Variants in SETDB1 observed in about 807,000 individuals in gnomAD.
SETDB1 encodes SET domain bifurcated histone lysine methyltransferase 1.
In SETDB1, 31 loss-of-function variants were observed where a neutral mutation model predicts 137.4. That is an observed-to-expected ratio of 0.23 (90% confidence interval 0.17 to 0.30). SETDB1 has a LOEUF of 0.30. SETDB1 is among the 10% of genes least tolerant of loss of function. The probability of loss-of-function intolerance (pLI) is 1.00; values close to 1 mark genes in which losing one functional copy is unlikely to be tolerated. For missense variants in SETDB1, 1,113 were observed against 1,631.5 expected (o/e 0.68, Z 5.47); for synonymous variants, 548 against 579.9 (o/e 0.95, Z 0.79).
At chr1:150,931,631 A>G (rs1669752840) in intron 3 of SETDB1, among the ~76,000 whole-genome samples, 1 of 118,852 alleles carries the variant, frequency 8.4e-6, no homozygotes, top group African/African-American at 3.2e-5. Context: ...TTAAAAAATA[A>G]AAAATAAAAA....
In SETDB1 at chr1:150,926,537, G is replaced by C. The variant is rs1183951614; in HGVS notation, c.-12+20G>C. On this transcript the variant is annotated intron_variant, in intron 1 of 21. Coordinates refer to ENST00000692827, the MANE Select transcript of SETDB1 (RefSeq NM_001366418.1). ...CGGGAGGTGCGGGGAATACTGTTGA[G>C]TTATTTGGTGACCAAAGGCTTATCT... is the stretch of plus-strand genomic sequence containing the variant. The C allele has an allele frequency of 2.8e-6, 1 of 361,802 alleles. No individual in the cohort carries two copies. The highest frequency in any genetic ancestry group is 5.4e-6 in the Non-Finnish European group (1 of 186,772). 22.4% of individuals were successfully genotyped at this position (361,802 alleles called of 1,614,324 possible).
At chr1:150,928,539 A>G (rs1669613443) in intron 2 of SETDB1, among the ~76,000 whole-genome samples, 1 of 152,068 alleles carries the variant, frequency 6.6e-6, no homozygotes, top group African/African-American at 2.4e-5. Flanking sequence ...GTCTTACGTA[A>G]CTCTGAAGCA....
In SETDB1 at chr1:150,954,120, C is replaced by T. The variant is rs587667766; in HGVS notation, c.2333+2639C>T. Among the ~76,000 whole-genome samples the T allele has an allele frequency of 2.5e-3, 387 of 152,250 alleles. 2 individuals are homozygous for T. The highest frequency in any genetic ancestry group is 4.4e-3 in the Non-Finnish European group (299 of 68,022). Reference sequence around the variant, plus strand: ...CCGTCTGCCTCAGCCTCCCAAAGTGCTGGGATTACAGGCGTGAGCCACCGC... The same window carrying T: ...CCGTCTGCCTCAGCCTCCCAAAGTGTTGGGATTACAGGCGTGAGCCACCGC... On this transcript the variant is annotated intron_variant, in intron 14 of 21. Coordinates refer to ENST00000692827, the MANE Select transcript of SETDB1 (RefSeq NM_001366418.1).
At chr1:150,927,556 T>G (rs1669570624) in intron 1 of SETDB1, 148 bp from the exon 2 acceptor site, 4 of 674,452 alleles carry the variant, frequency 5.9e-6, no homozygotes, top group Non-Finnish European at 9.9e-6. Flanking sequence ...AGCATCAGAT[T>G]CTGGAGAATA....
chr1:150,945,439 CGAA>C (rs1670294396), intron 9 of SETDB1: 1 of 484,292 alleles, frequency 2.1e-6, no homozygotes, highest in Non-Finnish European at 3.4e-6. Flanking sequence ...GATAGTGGGA[CGAA>C]GAAGAGGGAT....
chr1:150,961,222 T>C lies in SETDB1; in HGVS notation c.3132+31T>C, dbSNP rs201232166. 4.9e-4 allele frequency: 790 copies of C among 1,605,036 alleles called. 1 individual carries two copies. Among genetic ancestry groups the C allele is most frequent in the Admixed American group, 2.5e-3 (144 of 58,630 alleles). The stretch of plus-strand genomic sequence containing the variant: ...CAGTGGCAGAACACTCTGAGAGCTA[T>C]GGCTTTAACTTTGGTGCAGTAACAA... On this transcript the variant is annotated intron_variant, in intron 16 of 21. Coordinates refer to ENST00000692827, the MANE Select transcript of SETDB1 (RefSeq NM_001366418.1).
chr1:150,943,309 A>G (rs1164485933), intron 7 of SETDB1, among the ~76,000 whole-genome samples: 1 of 152,190 alleles, frequency 6.6e-6, no homozygotes, highest in Non-Finnish European at 1.5e-5. Flanking sequence ...TCAGGGGAAT[A>G]CAATTCACAC....
Position 150,944,919 on chromosome 1 carries a change from G to A in SETDB1, c.951G>A (p.Leu317=), listed in dbSNP as rs587770791. The stretch of plus-strand genomic sequence containing the variant: ...AGTTCTACTTCTTCCTTGAAACAGT[G>A]AAAAAGACTTGGGAGGACATAGAAG... ...QSELYPICRP[L]KKTWEDIEDI... is the part of the protein sequence containing the mutation. Residue 317 remains leucine (L), a splice_region_variant and synonymous_variant, in exon 9 of 22, where the codon CTG becomes CTA. Coordinates refer to ENST00000692827, the MANE Select transcript of SETDB1 (RefSeq NM_001366418.1). 6.2e-7 allele frequency: 1 copy of A among 1,614,020 alleles called. No homozygotes were observed. The highest frequency in any genetic ancestry group is 2.2e-5 in the East Asian group (1 of 44,872).
chr1:150,963,010 G>A lies in SETDB1; in HGVS notation c.3331G>A (p.Gly1111Arg). 1 of 1,614,122 alleles carries A rather than the reference G, an allele frequency of 6.2e-7. No homozygotes were observed. The highest frequency in any genetic ancestry group is 8.5e-7 in the Non-Finnish European group (1 of 1,179,996). The change falls in exon 19 of 22, where the codon GGG becomes AGG. Residue 1111 changes from glycine to arginine, a missense_variant. This residue lies in a region of SETDB1 where 373 missense variants were observed against 412.7 expected (regional missense o/e 0.90). Transcript: ENST00000692827. ...ACTGTCCAGCAGCACAGAAAGTGAG[G>A]GGGAAAGTGGGACCAGCCGAAAGCC... is the stretch of plus-strand genomic sequence containing the variant. ...LTLSSSTESE[G>R]ESGTSRKPTA...
At chr1:150,937,984 C>T (rs1669997408) in intron 3 of SETDB1, among the ~76,000 whole-genome samples, 1 of 152,050 alleles carries the variant, frequency 6.6e-6, no homozygotes, top group South Asian at 2.1e-4. Context: ...AATCCTAGCA[C>T]TTTGGGAGCC....
In SETDB1 at chr1:150,963,699, CATT is replaced by C. The variant is rs762842195; in HGVS notation, c.3631_3633del (p.Ile1211del). The C allele has an allele frequency of 6.2e-7, 1 of 1,614,190 alleles. No homozygotes were observed. Among genetic ancestry groups the C allele is most frequent in the Non-Finnish European group, 8.5e-7 (1 of 1,180,046 alleles). ...ATGATGGCGAGGAGTCTTGCTACAT[CATT>C]GATGCCAAGCTTGAAGGCAACCTGG... On this transcript the variant is annotated inframe_deletion, in exon 20 of 22. Transcript: ENST00000692827.
rs189893818 is a variant in SETDB1, at chr1:150,950,261, A to T, written c.1584-197A>T. 5.3e-5 allele frequency among the ~76,000 whole-genome samples: 8 copies of T among 152,186 alleles called. No individual in the cohort carries two copies. The East Asian group carries it at 1.5e-3, about 29-fold the overall frequency. On this transcript the variant is annotated intron_variant, in intron 12 of 21. Transcript: ENST00000692827. The stretch of plus-strand genomic sequence containing the variant: ...AAAAAAAAAGAGAAATAGAGATGTT[A>T]TCAGTCAGTGAAGAGTAACCAGGGA...
chr1:150,963,930 A>T (rs587638125), intron 20 of SETDB1, 65 bp from the exon 21 acceptor site: 30 of 1,482,906 alleles, frequency 2.0e-5, no homozygotes, highest in South Asian at 3.4e-5. Context: ...TCCAACTCTC[A>T]CTCTCCCTGC....
At chr1:150,926,566 A>G (rs1213741959) in intron 1 of SETDB1, 49 bp downstream of exon 1, 1 of 381,604 alleles carries the variant, frequency 2.6e-6, no homozygotes, top group Non-Finnish European at 5.1e-6. Flanking sequence ...CTTATCTGGG[A>G]CGTTTTGTTT....
chr1:150,962,852 T>C, intron 18 of SETDB1, 122 bp from the exon 19 acceptor site: 1 of 1,451,862 alleles, frequency 6.9e-7, no homozygotes. Context: ...TTATTTTCTT[T>C]CATCCAGCAT....
intron 1 of SETDB1, chr1:150,926,951 A>G (rs1019854059): frequency 2.3e-6 from 1 of 426,758 alleles, no homozygotes; most frequent in Non-Finnish European, 4.8e-6. Context: ...TAAGGGGAAC[A>G]AGTAATGAAA....
intron 10 of SETDB1, among the ~76,000 whole-genome samples, chr1:150,947,796 T>G (rs1670373516): frequency 6.6e-6 from 1 of 151,932 alleles, no homozygotes; most frequent in Non-Finnish European, 1.5e-5. Context: ...AAAAACAGAT[T>G]TGGTTTTCTT....
At chr1:150,930,601 T>C (rs1467416217) in intron 3 of SETDB1, 2 of 128,788 alleles carry the variant, frequency 1.6e-5, no homozygotes, top group Admixed American at 1.0e-4. Context: ...CAATCTCAGC[T>C]CACTGCAACC....
At chr1:150,932,537 T>C (rs1250265691) in intron 3 of SETDB1, among the ~76,000 whole-genome samples, 1 of 152,212 alleles carries the variant, frequency 6.6e-6, no homozygotes, top group African/African-American at 2.4e-5. Context: ...TATATATCCC[T>C]CATCTAGTAC....
Sources: allele counts gnomAD v4.1 joint callset (sites outside exome capture counted in the v4.1 genomes callset), GRCh38; gene constraint gnomAD v4.1.1; regional missense constraint gnomAD v4.1.1; transcripts MANE v1.5; gene names NCBI Gene and HGNC (gene_info 2026-07-23, HGNC 2026-07-21).